Variants in RBFOX1 observed in about 807,000 individuals in gnomAD.
The protein encoded by RBFOX1 is RNA binding fox-1 homolog 1.
Under a neutral mutation model 57.7 loss-of-function variants are expected in RBFOX1, and 8 were observed. That is an observed-to-expected ratio of 0.14 (90% CI 0.08 to 0.25). The LOEUF is 0.25. Ranked by LOEUF, RBFOX1 falls within the 10% of genes least tolerant of loss-of-function variation. RBFOX1 has a pLI of 1.00. For synonymous variants in RBFOX1, 326 were observed against 222.4 expected (o/e 1.47, Z -4.15); for missense variants, 611 against 548.5 (o/e 1.11, Z -1.14).
intron 3 of RBFOX1, among the ~76,000 whole-genome samples, chr16:6,822,887 G>A (rs1323546083): frequency 6.6e-6 from 1 of 152,170 alleles, no homozygotes; most frequent in African/African-American, 2.4e-5. Context: ...CACATAAAGG[G>A]CATGCATTAA....
At chr16:7,397,307 T>C (rs2098157424) in intron 4 of RBFOX1, among the ~76,000 whole-genome samples, 1 of 152,218 alleles carries the variant, frequency 6.6e-6, no homozygotes, top group South Asian at 2.1e-4. Context: ...AATCACAAGA[T>C]ATTTAACATG....
rs142959720 is a variant in RBFOX1 at position 7,500,992 on chromosome 16, C to T, written c.28-17155C>T. 5.9e-4 allele frequency among the ~76,000 whole-genome samples: 90 copies of T among 152,282 alleles called. No homozygotes were observed. In the East Asian group the frequency reaches 0.016, roughly 27 times the overall value. ...GCTCGGCCCTTGTCCTTCCTGCTGC[C>T]ATGTGAAGAAGGACATATTTGCTTC... On this transcript the variant is annotated intron_variant, in intron 4 of 15. Transcript: ENST00000550418.
intron 6 of RBFOX1, among the ~76,000 whole-genome samples, chr16:7,581,211 A>C (rs1259126795): frequency 6.6e-6 from 1 of 152,214 alleles, no homozygotes; most frequent in Non-Finnish European, 1.5e-5. Flanking sequence ...TTGCACTTTT[A>C]TCTCTCTCAT....
chr16:7,430,520 G>A (rs1416082611), intron 4 of RBFOX1, among the ~76,000 whole-genome samples: 2 of 152,104 alleles, frequency 1.3e-5, no homozygotes, highest in Non-Finnish European at 2.9e-5. Flanking sequence ...AAATTAGCCA[G>A]CCGTGGTGGC....
At chr16:6,477,536 C>A (rs1278036217) in intron 2 of RBFOX1, among the ~76,000 whole-genome samples, 3 of 152,150 alleles carry the variant, frequency 2.0e-5, no homozygotes, top group African/African-American at 7.2e-5. Flanking sequence ...TTCAGCAAAC[C>A]ATGCTATAAA....
At chr16:7,563,280 C>G (rs1489622212) in intron 5 of RBFOX1, among the ~76,000 whole-genome samples, 2 of 152,132 alleles carry the variant, frequency 1.3e-5, no homozygotes, top group East Asian at 3.9e-4. Flanking sequence ...CAGGTGTTGA[C>G]TCATTTGGGG....
At chr16:5,475,061 G>T (rs1400936557) in intron 2 of RBFOX1, among the ~76,000 whole-genome samples, 1 of 152,082 alleles carries the variant, frequency 6.6e-6, no homozygotes, top group East Asian at 1.9e-4. Flanking sequence ...TCCTTTTGTT[G>T]TAGGTGTCTC....
At chr16:7,589,583 C>T (rs1443444832) in intron 7 of RBFOX1, among the ~76,000 whole-genome samples, 4 of 151,734 alleles carry the variant, frequency 2.6e-5, no homozygotes, top group African/African-American at 9.7e-5. Context: ...GCTTGTCTTG[C>T]AGGTGTTGGA....
At chr16:6,025,189 C>G (rs113564052) in intron 1 of RBFOX1, among the ~76,000 whole-genome samples, 60 of 152,228 alleles carry the variant, frequency 3.9e-4, no homozygotes, top group African/African-American at 1.4e-3. Flanking sequence ...CCTGGCCGGC[C>G]GGCTCTATTT....
downstream of RBFOX1, among the ~76,000 whole-genome samples, chr16:5,604,314 T>A (rs1408289865): frequency 1.3e-5 from 2 of 152,192 alleles, no homozygotes; most frequent in Non-Finnish European, 2.9e-5. Flanking sequence ...GTTCTCTGCT[T>A]AGGTTCTCAC....
At chr16:5,266,628 G>C (rs1470901189) in intron 1 of RBFOX1, among the ~76,000 whole-genome samples, 7 of 148,744 alleles carry the variant, frequency 4.7e-5, no homozygotes, top group Admixed American at 4.1e-4. Flanking sequence ...GCTCACTGCA[G>C]CCTCTGTCTC....
At chr16:6,459,984 C>CAAAAAAAAAAAAAAAAAAAAAAAAAAAA (rs149424076) in intron 2 of RBFOX1, among the ~76,000 whole-genome samples, 4 of 47,672 alleles carry the variant, frequency 8.4e-5, no homozygotes, top group Non-Finnish European at 1.6e-4. Context: ...AACTCCATCT[C>CAAAAAAAAAAAAAAAAAAAAAAAAAAAA]AAAAAAAAAA....
chr16:7,631,576 G>C (rs17144401), intron 11 of RBFOX1, among the ~76,000 whole-genome samples: 3 of 152,088 alleles, frequency 2.0e-5, no homozygotes, highest in Admixed American at 1.3e-4. Context: ...TGGAGTTGCC[G>C]TAACTGCAGA....
chr16:6,820,910 C>T (rs968958739), intron 3 of RBFOX1, among the ~76,000 whole-genome samples: 1 of 152,108 alleles, frequency 6.6e-6, no homozygotes, highest in Non-Finnish European at 1.5e-5. Context: ...GCAGTTTGGA[C>T]CATACATTTC....
At chr16:5,651,043 T>C (rs980860284) in intron 3 of RBFOX1, among the ~76,000 whole-genome samples, 1 of 62,142 alleles carries the variant, frequency 1.6e-5, no homozygotes, top group African/African-American at 7.8e-5. Flanking sequence ...CCTCCTTCTT[T>C]TTTTTTTTTT....
At chr16:6,657,563 A>C (rs961384581) in intron 3 of RBFOX1, among the ~76,000 whole-genome samples, 3 of 152,088 alleles carry the variant, frequency 2.0e-5, no homozygotes, top group African/African-American at 7.2e-5. Flanking sequence ...TGCCACACTG[A>C]TGGGTTGTTT....
intron 3 of RBFOX1, among the ~76,000 whole-genome samples, chr16:6,730,737 C>G (rs574344685): frequency 7.2e-4 from 109 of 152,276 alleles, no homozygotes; most frequent in Admixed American, 1.8e-3. Context: ...GGCAAACAGA[C>G]AAAACCGATT....
At position 6,880,104 on chromosome 16, in the gene RBFOX1, G is replaced by C. The variant is rs867340956; in HGVS notation, c.-15-171953G>C. 2.6e-5 allele frequency among the ~76,000 whole-genome samples: 4 copies of C among 152,102 alleles called. No individual in the cohort carries two copies. In the South Asian group the frequency reaches 8.3e-4, roughly 32 times the overall value. On this transcript the variant is annotated intron_variant, in intron 3 of 15. Coordinates refer to ENST00000550418, the MANE Select transcript of RBFOX1 (RefSeq NM_018723.4). ...TTAGGGATGTTCCTGAGAGTCCCCT[G>C]ACCTTTCGAGTTACTTCTTGTCAGT...
chr16:6,013,608 C>T (rs867186468), intron 4 of RBFOX1, among the ~76,000 whole-genome samples: 21 of 152,182 alleles, frequency 1.4e-4, no homozygotes, highest in Non-Finnish European at 2.8e-4. Context: ...TTGAGTCCCA[C>T]TCTAACCACT....
Sources: allele counts gnomAD v4.1 joint callset (sites outside exome capture counted in the v4.1 genomes callset), GRCh38; gene constraint gnomAD v4.1.1; transcripts MANE v1.5; gene names NCBI Gene and HGNC (gene_info 2026-07-23, HGNC 2026-07-21).